DLGAP1: variants seen among roughly 807,000 people sequenced by gnomAD.
DLGAP1 encodes the protein DLG associated protein 1, also known as disks large-associated protein 1.
DLGAP1 carries 11 observed loss-of-function variants against 90.8 expected under a neutral mutation model. The observed-to-expected ratio is 0.12, with a 90% confidence interval of 0.08 to 0.20. The LOEUF (loss-of-function observed/expected upper bound fraction) is 0.20, where lower values mean the gene tolerates loss of function less well. Ranked by LOEUF, DLGAP1 falls within the 10% of genes least tolerant of loss-of-function variation. The pLI, the probability that DLGAP1 is intolerant of heterozygous loss-of-function variation, is 1.00. For missense variants in DLGAP1, 1,050 were observed against 1,333.8 expected (o/e 0.79, Z 3.31); for synonymous variants, 558 against 540.7 (o/e 1.03, Z -0.44).
intron 2 of DLGAP1, among the ~76,000 whole-genome samples, chr18:4,006,540 G>T (rs1385176255): frequency 6.6e-6 from 1 of 152,116 alleles, no homozygotes; most frequent in Non-Finnish European, 1.5e-5. Context: ...TGCAGTCACA[G>T]TTGGAGGAGG....
chr18:3,615,508 G>A (rs974520696), intron 7 of DLGAP1, among the ~76,000 whole-genome samples: 1 of 152,146 alleles, frequency 6.6e-6, no homozygotes, highest in African/African-American at 2.4e-5. Context: ...CCTTGGACAC[G>A]CCCAGGTGAG....
chr18:3,646,851 G>A (rs1248206235), intron 7 of DLGAP1, among the ~76,000 whole-genome samples: 2 of 152,230 alleles, frequency 1.3e-5, no homozygotes, highest in East Asian at 3.9e-4. Flanking sequence ...CTTGAACCCG[G>A]GAGGCGGAGC....
intron 1 of DLGAP1, among the ~76,000 whole-genome samples, chr18:4,205,682 C>T (rs2077706808): frequency 6.6e-6 from 1 of 152,104 alleles, no homozygotes; most frequent in Admixed American, 6.6e-5. Flanking sequence ...AAAATAAATA[C>T]ACCAATTCAG....
intron 1 of DLGAP1, among the ~76,000 whole-genome samples, chr18:4,288,275 T>C (rs1262438157): frequency 6.6e-6 from 1 of 152,160 alleles, no homozygotes; most frequent in Non-Finnish European, 1.5e-5. Flanking sequence ...GGGGATTTTC[T>C]CTAAGGATAT....
intron 3 of DLGAP1, among the ~76,000 whole-genome samples, chr18:3,887,014 G>A (rs895678208): frequency 3.9e-5 from 6 of 152,166 alleles, no homozygotes; most frequent in Non-Finnish European, 5.9e-5. Context: ...TGCCATATCC[G>A]CCCTGGATGT....
intron 7 of DLGAP1, among the ~76,000 whole-genome samples, chr18:3,667,011 C>T (rs2059908463): frequency 1.3e-5 from 2 of 151,982 alleles, no homozygotes; most frequent in Non-Finnish European, 2.9e-5. Flanking sequence ...TCAAGTGATC[C>T]TCCTGCTTTG....
chr18:3,528,851 T>G (rs586788), intron 10 of DLGAP1, among the ~76,000 whole-genome samples: 114,553 of 152,060 alleles, frequency 0.75, 43,252 homozygotes, highest in South Asian at 0.86. Context: ...ATTTCGTGTC[T>G]CTCAAAGTAT....
At chr18:4,135,699 T>C (rs1043297140) in intron 2 of DLGAP1, among the ~76,000 whole-genome samples, 3 of 152,038 alleles carry the variant, frequency 2.0e-5, no homozygotes, top group Non-Finnish European at 4.4e-5. Flanking sequence ...AGTGAGAATA[T>C]GTGAAGTTTG....
chr18:3,665,912 T>C lies in DLGAP1; in HGVS notation c.1591+63223A>G, dbSNP rs1460415. On this transcript the variant is annotated intron_variant, in intron 7 of 12. Transcript: ENST00000315677. ...TAAAGAGCTGGGCAGGAGGCAGATG[T>C]AGGGGCACCTTTGATCTCTCATCCT... Among the ~76,000 whole-genome samples, 907 of 152,262 alleles carry C rather than the reference T, an allele frequency of 6.0e-3. 8 individuals carry two copies. Among genetic ancestry groups the C allele is most frequent in the African/African-American group, 0.021 (870 of 41,550 alleles).
At chr18:4,203,641 C>T (rs759600007) in intron 1 of DLGAP1, among the ~76,000 whole-genome samples, 5 of 152,102 alleles carry the variant, frequency 3.3e-5, no homozygotes, top group Non-Finnish European at 5.9e-5. Flanking sequence ...AGAAAACAAC[C>T]ACTCTTTCTT....
chr18:4,359,087 T>C (rs1321794231), intron 1 of DLGAP1, among the ~76,000 whole-genome samples: 2 of 152,210 alleles, frequency 1.3e-5, no homozygotes, highest in African/African-American at 4.8e-5. Context: ...ATTTATGTTT[T>C]AAAAAGATGA....
chr18:3,809,086 C>T (rs756056578), intron 5 of DLGAP1, among the ~76,000 whole-genome samples: 1 of 152,160 alleles, frequency 6.6e-6, no homozygotes, highest in African/African-American at 2.4e-5. Flanking sequence ...AAGGATAGCA[C>T]CTGTGGGCAT....
Position 4,438,431 on chromosome 18 carries a change from CAAAAAA to C in DLGAP1, c.-267+16569_-267+16574del, listed in dbSNP as rs11389361. On this transcript the variant is annotated intron_variant, in intron 1 of 12. Coordinates refer to ENST00000315677, the MANE Select transcript of DLGAP1 (RefSeq NM_004746.4). ...TGGGTGACAGAGCGAGACTCCATCT[CAAAAAA>C]AAAAAAAAAAAAAAAAAGAAATCTC... is the stretch of plus-strand genomic sequence containing the variant. 3.1e-3 allele frequency among the ~76,000 whole-genome samples: 164 copies of C among 52,104 alleles called. 1 individual carries two copies. Among genetic ancestry groups the C allele is most frequent in the Middle Eastern group, 0.026 (1 of 38 alleles). The allele number at this position is 52,104 out of a possible 152,430, so 34.2% of individuals were successfully genotyped here. A position where few individuals can be genotyped will look rare whatever the true frequency, so the allele number is the denominator to read the frequency against.
intron 3 of DLGAP1, among the ~76,000 whole-genome samples, chr18:3,887,540 G>C (rs2071348180): frequency 6.6e-6 from 1 of 152,278 alleles, no homozygotes; most frequent in South Asian, 2.1e-4. Context: ...TACCAAGAGA[G>C]GAGGACAATG....
intron 2 of DLGAP1, among the ~76,000 whole-genome samples, chr18:4,050,156 T>G (rs2075113288): frequency 6.6e-6 from 1 of 152,174 alleles, no homozygotes; most frequent in African/African-American, 2.4e-5. Flanking sequence ...GTGGGTGCAA[T>G]GCCAAGTTCC....
chr18:4,202,139 G>A (rs1295697149), intron 1 of DLGAP1, among the ~76,000 whole-genome samples: 6 of 150,048 alleles, frequency 4.0e-5, no homozygotes, highest in Non-Finnish European at 8.9e-5. Context: ...GTATACATAC[G>A]CACACACACA....
At chr18:4,097,860 A>G (rs540375001) in intron 2 of DLGAP1, among the ~76,000 whole-genome samples, 17 of 152,378 alleles carry the variant, frequency 1.1e-4, no homozygotes, top group Non-Finnish European at 7.3e-5. Flanking sequence ...GGAAGTTGAT[A>G]CTAATCATTC....
intron 7 of DLGAP1, among the ~76,000 whole-genome samples, chr18:3,600,271 G>C (rs959399216): frequency 3.3e-5 from 5 of 151,734 alleles, no homozygotes; most frequent in African/African-American, 1.2e-4. Flanking sequence ...TTTTTTATGA[G>C]ACGGAGTTTC....
At chr18:3,745,425 A>C (rs998789188) in intron 5 of DLGAP1, among the ~76,000 whole-genome samples, 1 of 152,186 alleles carries the variant, frequency 6.6e-6, no homozygotes, top group Non-Finnish European at 1.5e-5. Context: ...CGGAGTTTAG[A>C]GGGTAGACTA....
Sources: gnomAD v4.1 joint callset for allele counts (sites outside exome capture counted in the v4.1 genomes callset) on GRCh38, gnomAD v4.1.1 for gene constraint, MANE v1.5 for transcripts, NCBI Gene and HGNC (gene_info 2026-07-23, HGNC 2026-07-21) for gene names.